Variants in RIN2 observed in about 807,000 individuals in gnomAD.
The protein encoded by RIN2 is RAB5 interacting protein 2.
In RIN2, 36 loss-of-function variants were observed where a neutral mutation model predicts 78.0. The observed-to-expected ratio is 0.46, with a 90% CI of 0.35 to 0.61. The LOEUF is 0.61. Among genes scored for constraint, RIN2 ranks in the 20% least tolerant of loss-of-function variants. The pLI is 0.00. For missense variants in RIN2, 1,087 were observed against 1,159.7 expected (o/e 0.94, Z 0.91); for synonymous variants, 466 against 466.8 (o/e 1.00, Z 0.02).
chr20:19,921,504 C>A (rs2039917954), intron 3 of RIN2, among the ~76,000 whole-genome samples: 1 of 152,180 alleles, frequency 6.6e-6, no homozygotes, highest in South Asian at 2.1e-4. Flanking sequence ...ATTCACTCAA[C>A]AACTAATGTG....
At chr20:19,766,025 A>G (rs2033870135) in intron 1 of RIN2, among the ~76,000 whole-genome samples, 2 of 152,078 alleles carry the variant, frequency 1.3e-5, no homozygotes, top group Non-Finnish European at 2.9e-5. Context: ...TGGCTTCTTC[A>G]AAGCTTCTTA....
chr20:19,979,787 A>C (rs2042387019), intron 9 of RIN2, among the ~76,000 whole-genome samples: 1 of 152,010 alleles, frequency 6.6e-6, no homozygotes, highest in Non-Finnish European at 1.5e-5. Flanking sequence ...TCACACCTGT[A>C]ATCTCAGCAC....
At chr20:19,896,005 A>G (rs777734963) in intron 3 of RIN2, 4 of 152,192 alleles carry the variant, frequency 2.6e-5, no homozygotes, top group Non-Finnish European at 4.4e-5. Context: ...TGCACATCTC[A>G]GGCCTCAGGG....
intron 3 of RIN2, among the ~76,000 whole-genome samples, chr20:19,922,309 C>T (rs545169235): frequency 6.6e-6 from 1 of 152,260 alleles, no homozygotes; most frequent in East Asian, 1.9e-4. Context: ...ATGGTCTCTG[C>T]ACCAAACAAA....
chr20:19,810,799 T>A (rs1187702578), intron 2 of RIN2, among the ~76,000 whole-genome samples: 2 of 145,898 alleles, frequency 1.4e-5, no homozygotes, highest in African/African-American at 5.0e-5. Context: ...GTTCACGCCA[T>A]TCTCCCGCCT....
chr20:19,909,609 A>G (rs2039374333), intron 3 of RIN2, among the ~76,000 whole-genome samples: 1 of 152,118 alleles, frequency 6.6e-6, no homozygotes, highest in African/African-American at 2.4e-5. Flanking sequence ...AGTTGTGCCC[A>G]CTATTGTGGG....
At chr20:19,758,363 T>A (rs1021691659) in intron 1 of RIN2, 36 bp downstream of exon 1, 14 of 152,218 alleles carry the variant, frequency 9.2e-5, no homozygotes, top group African/African-American at 3.4e-4. Flanking sequence ...CCACCCCCTG[T>A]GCCCGCACCT....
Position 19,889,659 on chromosome 20 carries a change from GTAAAAGGAAGCCTTGA to G in RIN2, c.57+3_57+18del. On this transcript the variant is annotated splice_donor_variant and splice_donor_5th_base_variant and intron_variant, in intron 3 of 12. Coordinates refer to ENST00000255006, the MANE Select transcript of RIN2 (RefSeq NM_018993.4). LOFTEE classifies it high-confidence loss of function. ...GGACAAGCGAGGAAGTTTCTTTAAG[GTAAAAGGAAGCCTTGA>G]TTGGGATCTCAACTCGTCGGCTTGC... is the stretch of plus-strand genomic sequence containing the variant. 1.3e-6 allele frequency: 2 copies of G among 1,499,224 alleles called. No individual in the cohort carries two copies. Among genetic ancestry groups the G allele is most frequent in the Non-Finnish European group, 1.8e-6 (2 of 1,117,578 alleles). 92.9% of individuals were successfully genotyped at this position (1,499,224 alleles called of 1,614,324 possible). A position where few individuals can be genotyped will look rare whatever the true frequency, so the allele number is the denominator to read the frequency against.
At chr20:19,761,035 C>T (rs1296867567) in intron 1 of RIN2, among the ~76,000 whole-genome samples, 1 of 152,166 alleles carries the variant, frequency 6.6e-6, no homozygotes, top group Non-Finnish European at 1.5e-5. Flanking sequence ...CAAAAGTGTC[C>T]CTTTGTCAAG....
chr20:19,928,178 C>T lies in RIN2; in HGVS notation c.58-6921C>T, dbSNP rs184781679. On this transcript the variant is annotated intron_variant, in intron 3 of 12. Transcript: ENST00000255006. ...TCAGCCTCCCAAAATGTTGGGATTACAGGCGTGAGCCACTGTGCCCGACCT... is the reference window on the plus strand; with the variant it reads ...TCAGCCTCCCAAAATGTTGGGATTATAGGCGTGAGCCACTGTGCCCGACCT... Among the ~76,000 whole-genome samples, 50 of 152,362 alleles carry T rather than the reference C, an allele frequency of 3.3e-4. No individual in the cohort carries two copies. In the East Asian group the frequency reaches 3.7e-3, roughly 11 times the overall value.
chr20:19,914,892 A>T (rs1488335349), intron 3 of RIN2, among the ~76,000 whole-genome samples: 1 of 152,088 alleles, frequency 6.6e-6, no homozygotes, highest in Non-Finnish European at 1.5e-5. Flanking sequence ...TCAGGGAGAG[A>T]TGAGACTAAG....
At chr20:19,802,883 T>C (rs1363442065) in intron 2 of RIN2, among the ~76,000 whole-genome samples, 3 of 152,154 alleles carry the variant, frequency 2.0e-5, no homozygotes, top group African/African-American at 7.2e-5. Context: ...ATGTATCCTC[T>C]CTTGGACACA....
intron 2 of RIN2, among the ~76,000 whole-genome samples, chr20:19,858,276 G>T (rs1255152904): frequency 1.3e-5 from 2 of 152,266 alleles, no homozygotes; most frequent in South Asian, 4.1e-4. Context: ...ATCAGGTCAG[G>T]CTACATCTGA....
At chr20:19,865,738 T>C (rs2037486546) in intron 2 of RIN2, among the ~76,000 whole-genome samples, 1 of 152,082 alleles carries the variant, frequency 6.6e-6, no homozygotes, top group South Asian at 2.1e-4. Context: ...TAAGCAATCC[T>C]GCTTTGGCCT....
intron 2 of RIN2, among the ~76,000 whole-genome samples, chr20:19,842,944 G>A (rs1056073583): frequency 6.6e-6 from 1 of 151,940 alleles, no homozygotes; most frequent in African/African-American, 2.4e-5. Flanking sequence ...ATAAATTGGA[G>A]TTTGGAAGAA....
intron 3 of RIN2, among the ~76,000 whole-genome samples, chr20:19,892,842 G>A (rs751852822): frequency 2.6e-5 from 4 of 152,170 alleles, no homozygotes; most frequent in Admixed American, 6.6e-5. Flanking sequence ...AGGGGAGTTC[G>A]GTGCTGAGAT....
intron 11 of RIN2, among the ~76,000 whole-genome samples, chr20:19,995,377 A>C (rs925536748): frequency 6.6e-6 from 1 of 152,116 alleles, no homozygotes; most frequent in African/African-American, 2.4e-5. Context: ...TAGAGATTCA[A>C]TGAGTATTTT....
chr20:19,822,613 G>C (rs1403399910), intron 2 of RIN2, among the ~76,000 whole-genome samples: 1 of 151,878 alleles, frequency 6.6e-6, no homozygotes, highest in African/African-American at 2.4e-5. Flanking sequence ...CTTCTAGGCA[G>C]GATAGGTTCT....
At chr20:19,909,108 CCCA>C (rs1214233569) in intron 3 of RIN2, among the ~76,000 whole-genome samples, 17 of 152,314 alleles carry the variant, frequency 1.1e-4, no homozygotes, top group Non-Finnish European at 1.5e-4. Flanking sequence ...AGGTGATCCA[CCCA>C]CCTGGGCCTC....
Sources: gnomAD v4.1 joint callset for allele counts (sites outside exome capture counted in the v4.1 genomes callset) on GRCh38, gnomAD v4.1.1 for gene constraint, MANE v1.5 for transcripts, NCBI Gene and HGNC (gene_info 2026-07-23, HGNC 2026-07-21) for gene names.